The following PECR variants were observed in gnomAD, a reference collection of about 807,000 sequenced individuals.
PECR encodes the protein 2,4-dienoyl-CoA reductase-related protein.
Under a neutral mutation model 35.3 loss-of-function variants are expected in PECR, and 30 were observed. The ratio of observed to expected loss-of-function variants is 0.85; its 90% CI spans 0.64 to 1.15. PECR has a LOEUF of 1.15. Ranked by LOEUF, PECR falls within the 50% of genes most tolerant of loss-of-function variation. The pLI is 0.00. For missense variants in PECR, 392 were observed against 370.8 expected, an observed-to-expected ratio of 1.06 and a Z score of -0.47; for synonymous variants, 148 against 138.9, an observed-to-expected ratio of 1.07 and a Z score of -0.46.
chr2:216,042,918 G>A (rs1037203908), intron 7 of PECR, among the ~76,000 whole-genome samples: 9 of 143,136 alleles, frequency 6.3e-5, no homozygotes, highest in South Asian at 2.2e-4. Flanking sequence ...CACCACACCC[G>A]ACTAACTGTT....
intron 1 of PECR, among the ~76,000 whole-genome samples, chr2:216,080,083 A>ATATT (rs946545999): frequency 6.6e-5 from 10 of 151,606 alleles, no homozygotes; most frequent in African/African-American, 2.4e-4. Context: ...CAATAGCAAG[A>ATATT]TATTTATTTA....
chr2:216,066,764 T>A (rs935117481), intron 1 of PECR, among the ~76,000 whole-genome samples: 15 of 152,168 alleles, frequency 9.9e-5, no homozygotes, highest in African/African-American at 3.6e-4. Flanking sequence ...TAGCTCACTG[T>A]AACCTTGAAC....
intron 3 of PECR, 148 bp from the exon 4 acceptor site, chr2:216,059,124 A>G: frequency 1.5e-6 from 1 of 676,902 alleles, no homozygotes. Context: ...AAATTTATAC[A>G]TCATAAAATT....
At chr2:216,034,453 T>C (rs938749051), downstream of PECR, among the ~76,000 whole-genome samples, 1 of 152,156 alleles carries the variant, frequency 6.6e-6, no homozygotes, top group Non-Finnish European at 1.5e-5. Flanking sequence ...GACTTTGCCT[T>C]GAGGACTTCC....
chr2:216,055,200 G>T (rs970231961), intron 4 of PECR, among the ~76,000 whole-genome samples: 3 of 151,606 alleles, frequency 2.0e-5, no homozygotes, highest in African/African-American at 7.3e-5. Flanking sequence ...CACATTGAGA[G>T]GCCAAGGTGG....
At chr2:216,035,301 GT>G (rs1456720349), downstream of PECR, among the ~76,000 whole-genome samples, 8 of 152,124 alleles carry the variant, frequency 5.3e-5, no homozygotes, top group Non-Finnish European at 1.2e-4. Flanking sequence ...CCCTCAGGGG[GT>G]TTTGCATCAG....
chr2:216,040,481 T>C (rs1166558589), intron 7 of PECR, among the ~76,000 whole-genome samples: 1 of 152,190 alleles, frequency 6.6e-6, no homozygotes, highest in Non-Finnish European at 1.5e-5. Flanking sequence ...CTTGAATTCC[T>C]GGGATCAAGC....
intron 1 of PECR, among the ~76,000 whole-genome samples, chr2:216,068,868 A>T (rs1478443009): frequency 7.7e-6 from 1 of 129,104 alleles, no homozygotes; most frequent in Non-Finnish European, 1.6e-5. Flanking sequence ...AATAGTAATT[A>T]TGTGAGTAAA....
chr2:216,060,567 C>T (rs911977204), intron 3 of PECR, among the ~76,000 whole-genome samples: 6 of 152,050 alleles, frequency 3.9e-5, no homozygotes, highest in Admixed American at 6.6e-5. Context: ...TAGGCTGAAG[C>T]GGGGAGGATT....
At chr2:216,047,162 G>T (rs1046240062) in intron 6 of PECR, among the ~76,000 whole-genome samples, 6 of 152,054 alleles carry the variant, frequency 3.9e-5, no homozygotes, top group Admixed American at 1.3e-4. Context: ...GAAGGCTGAG[G>T]CAGGAGAATC....
At position 216,038,950 on chromosome 2, in the gene PECR, A is replaced by G; in HGVS notation, c.*325T>C. ...TCTACCTTTACAATTAAATAATAAAATCTTCTGGGAGTTCATGATCCCTAG... is the reference window on the plus strand; with the variant it reads ...TCTACCTTTACAATTAAATAATAAAGTCTTCTGGGAGTTCATGATCCCTAG... On this transcript the variant is annotated 3_prime_UTR_variant, in exon 8 of 8. Transcript: ENST00000265322. The G allele has an allele frequency of 3.6e-6, 1 of 281,376 alleles. No individual in the cohort carries two copies. 17.4% of individuals were successfully genotyped at this position (281,376 alleles called of 1,614,324 possible). A position where few individuals can be genotyped will look rare whatever the true frequency, so the allele number is the denominator to read the frequency against.
rs1163446776 is a variant in PECR, at chr2:216,055,442, AAAAAAAAC to A, written c.506+3445_506+3452del. Among the ~76,000 whole-genome samples the A allele has an allele frequency of 3.8e-3, 504 of 131,918 alleles. 5 individuals carry two copies. The highest frequency in any genetic ancestry group is 0.014 in the African/African-American group (461 of 33,778). 86.5% of individuals were successfully genotyped at this position (131,918 alleles called of 152,430 possible). A position where few individuals can be genotyped will look rare whatever the true frequency, so the allele number is the denominator to read the frequency against. On this transcript the variant is annotated intron_variant, in intron 4 of 7. Transcript: ENST00000265322. ...ACAAGAACAAAATTCCATCTCAAAAAAAAAAAACAAAAAAACAAAAAAACAAACAAACA... is the reference window on the plus strand; with the variant it reads ...ACAAGAACAAAATTCCATCTCAAAAAAAAAAAACAAAAAAACAAACAAACA...
At chr2:216,039,624 T>C (rs937934265) in intron 7 of PECR, among the ~76,000 whole-genome samples, 1 of 152,228 alleles carries the variant, frequency 6.6e-6, no homozygotes, top group Non-Finnish European at 1.5e-5. Flanking sequence ...CCTTTTAAAG[T>C]TGTGAGGGTT....
At chr2:216,043,087 A>G (rs1361891386) in intron 7 of PECR, among the ~76,000 whole-genome samples, 1 of 138,608 alleles carries the variant, frequency 7.2e-6, no homozygotes, top group Admixed American at 7.3e-5. Context: ...ATATACACAT[A>G]CATATATATG....
chr2:216,055,437 CAA>C lies in PECR; in HGVS notation c.506+3456_506+3457del, dbSNP rs11288394. 4.0e-3 allele frequency among the ~76,000 whole-genome samples: 545 copies of C among 137,806 alleles called. 5 individuals carry two copies. The highest frequency in any genetic ancestry group is 0.011 in the Middle Eastern group (3 of 262). 90.4% of individuals were successfully genotyped at this position (137,806 alleles called of 152,430 possible). A position where few individuals can be genotyped will look rare whatever the true frequency, so the allele number is the denominator to read the frequency against. On this transcript the variant is annotated intron_variant, in intron 4 of 7. Transcript: ENST00000265322. ...GGGCAACAAGAACAAAATTCCATCT[CAA>C]AAAAAAAAAACAAAAAAACAAAAAA...
chr2:216,070,006 A>G (rs1378210164), intron 1 of PECR, among the ~76,000 whole-genome samples: 3 of 152,142 alleles, frequency 2.0e-5, no homozygotes, highest in Non-Finnish European at 2.9e-5. Context: ...AAAATGTTGG[A>G]AGCTGATCGA....
At chr2:216,054,377 T>C (rs1223498788) in intron 4 of PECR, among the ~76,000 whole-genome samples, 1 of 138,666 alleles carries the variant, frequency 7.2e-6, no homozygotes, top group Non-Finnish European at 1.5e-5. Flanking sequence ...CTTTCTTTTT[T>C]TTTTTTTTTT....
At chr2:216,077,806 CAAAAAA>C (rs10596402) in intron 1 of PECR, among the ~76,000 whole-genome samples, 1 of 73,468 alleles carries the variant, frequency 1.4e-5, no homozygotes, top group Admixed American at 1.2e-4. Context: ...GACTCCGTCT[CAAAAAA>C]AAAAAAAAAA....
At chr2:216,060,294 A>C (rs1695310449) in intron 3 of PECR, among the ~76,000 whole-genome samples, 2 of 152,140 alleles carry the variant, frequency 1.3e-5, no homozygotes, top group Non-Finnish European at 1.5e-5. Flanking sequence ...TTTATTTCCT[A>C]GTTCTGAAAA....
Sources: allele counts gnomAD v4.1 joint callset (sites outside exome capture counted in the v4.1 genomes callset), GRCh38; gene constraint gnomAD v4.1.1; transcripts MANE v1.5; gene names NCBI Gene and HGNC (gene_info 2026-07-23, HGNC 2026-07-21).